MKRN2: variants seen among roughly 807,000 people sequenced by gnomAD.
The protein encoded by MKRN2 is makorin ring finger protein 2.
A neutral mutation model predicts 45.4 loss-of-function variants in MKRN2; 32 were observed. The observed-to-expected ratio is 0.70, with a 90% CI of 0.53 to 0.95. The LOEUF (loss-of-function observed/expected upper bound fraction) is 0.95. Ranked by LOEUF, MKRN2 falls within the 40% of genes least tolerant of loss-of-function variation. The pLI is 0.00. For synonymous variants in MKRN2, 206 were observed against 192.4 expected (o/e 1.07, Z -0.59); for missense variants, 526 against 536.7 (o/e 0.98, Z 0.20).
intron 1 of MKRN2, among the ~76,000 whole-genome samples, chr3:12,561,296 G>C (rs2058034842): frequency 6.6e-6 from 1 of 152,180 alleles, no homozygotes; most frequent in Non-Finnish European, 1.5e-5. Flanking sequence ...GTGCAGTTTG[G>C]AAGGCAAGTT....
chr3:12,582,314 G>A lies in MKRN2; in HGVS notation c.*61G>A, dbSNP rs905516600. On this transcript the variant is annotated 3_prime_UTR_variant, in exon 8 of 8. Coordinates refer to ENST00000170447, the MANE Select transcript of MKRN2 (RefSeq NM_014160.5). ...GGCCGAAACTTTCCCAAGCCAGGGT[G>A]TGCGGAGCTTCCCTGTACTGCAGCC... The A allele has an allele frequency of 6.2e-6, 10 of 1,603,412 alleles. No homozygotes were observed. The African/African-American group carries it at 6.7e-5, about 11-fold the overall frequency.
At chr3:12,567,651 A>T (rs2058077299) in intron 1 of MKRN2, among the ~76,000 whole-genome samples, 1 of 151,594 alleles carries the variant, frequency 6.6e-6, no homozygotes, top group South Asian at 2.1e-4. Context: ...TCCACTCCTG[A>T]CTAATTTTGT....
chr3:12,581,791 T>C lies in MKRN2; in HGVS notation c.969-17T>C. 6.2e-7 allele frequency: 1 copy of C among 1,613,302 alleles called. No homozygotes were observed. The highest frequency in any genetic ancestry group is 1.1e-5 in the South Asian group (1 of 91,064). On this transcript the variant is annotated splice_polypyrimidine_tract_variant and intron_variant, in intron 6 of 7. Coordinates refer to ENST00000170447, the MANE Select transcript of MKRN2 (RefSeq NM_014160.5). ...ATTTTCCCACCAGCCTCTTGACTTT[T>C]TCTTTCTGCTTTTCAGGAAAAAAGC...
Position 12,582,394 on chromosome 3 carries a change from C to G in MKRN2, c.*141C>G. On this transcript the variant is annotated 3_prime_UTR_variant, in exon 8 of 8. Transcript: ENST00000170447. The stretch of plus-strand genomic sequence containing the variant: ...AGTTGGGCTTAGCCTTAGTCTCATT[C>G]AATCTCCATTATTACAGCCATGGGG... 1 of 1,003,094 alleles carries G rather than the reference C, an allele frequency of 1.0e-6. No homozygotes were observed. The highest frequency in any genetic ancestry group is 1.5e-6 in the Non-Finnish European group (1 of 674,642). The allele number at this position is 1,003,094 out of a possible 1,614,324, so 62.1% of individuals were successfully genotyped here. A position where few individuals can be genotyped will look rare whatever the true frequency, so the allele number is the denominator to read the frequency against.
chr3:12,569,921 ATAATCCTGTTAGAGTT>A (rs1451071529), intron 2 of MKRN2, 134 bp from the exon 3 acceptor site: 1 of 681,774 alleles, frequency 1.5e-6, no homozygotes, highest in African/African-American at 1.8e-5. Context: ...TTAATAATCG[ATAATCCTGTTAGAGTT>A]TAAATATTGG....
At chr3:12,581,977 T>A (rs1258039026) in intron 7 of MKRN2, 25 bp downstream of exon 7, 4 of 1,611,622 alleles carry the variant, frequency 2.5e-6, no homozygotes, top group Non-Finnish European at 2.5e-6. Context: ...CATCTCTAGT[T>A]GGGGACACTT....
intron 2 of MKRN2, among the ~76,000 whole-genome samples, chr3:12,569,704 C>G (rs552360666): frequency 6.6e-6 from 1 of 152,008 alleles, no homozygotes; most frequent in Non-Finnish European, 1.5e-5. Context: ...AGATCATTGG[C>G]CCTTGTCAGC....
rs35726193 is a variant in MKRN2 at position 12,567,481 on chromosome 3, C to CTTTT, written c.27-1374_27-1371dup. ...CCCTTTGTTGCCCTGGCTAGTTTAT[C>CTTTT]TTTTTTTTTTTTTTTTTTTTTTTGA... On this transcript the variant is annotated intron_variant, in intron 1 of 7. Transcript: ENST00000170447. Among the ~76,000 whole-genome samples the CTTTT allele has an allele frequency of 1.8e-4, 14 of 76,962 alleles. 1 individual carries two copies. Among genetic ancestry groups the CTTTT allele is most frequent in the Admixed American group, 4.9e-4 (3 of 6,098 alleles). The allele number at this position is 76,962 out of a possible 152,430, so 50.5% of individuals were successfully genotyped here. A position where few individuals can be genotyped will look rare whatever the true frequency, so the allele number is the denominator to read the frequency against.
At chr3:12,579,576 C>T (rs73130305) in intron 6 of MKRN2, among the ~76,000 whole-genome samples, 34,414 of 152,122 alleles carry the variant, frequency 0.23, 4,205 homozygotes, top group African/African-American at 0.3. Flanking sequence ...GCACTTGGAT[C>T]CACCGGGGGC....
intron 1 of MKRN2, among the ~76,000 whole-genome samples, chr3:12,562,871 G>A (rs1285221572): frequency 6.6e-6 from 1 of 151,960 alleles, no homozygotes. Context: ...AACAAGCTCA[G>A]TGTTCCACTG....
Position 12,582,232 on chromosome 3 carries a change from A to G in MKRN2, c.1230A>G (p.Gly410=). 1.2e-6 allele frequency: 2 copies of G among 1,613,996 alleles called. No homozygotes were observed. The highest frequency in any genetic ancestry group is 1.7e-6 in the Non-Finnish European group (2 of 1,180,008). ...GGGACCTCTTCATGCACCTTTCTGG[A>G]GTGGAATCATCAGAACCCTAAAGAG... The part of the protein sequence containing the change: ...ELGDLFMHLS[G]VESSEP Residue 410 remains glycine, a synonymous_variant, in exon 8 of 8, where the codon GGA becomes GGG. Transcript: ENST00000170447.
rs188757449 is a variant in MKRN2 at position 12,580,754 on chromosome 3, C to T, written c.969-1054C>T. Among the ~76,000 whole-genome samples, 312 of 152,326 alleles carry T rather than the reference C, an allele frequency of 2.0e-3. 4 individuals are homozygous for T. The highest frequency in any genetic ancestry group is 9.8e-4 in the Admixed American group (15 of 15,300). On this transcript the variant is annotated intron_variant, in intron 6 of 7. Transcript: ENST00000170447. ...AATTACAGGTGTGAGCCACCACACC[C>T]GGCCAGAGGGCTTTTCTTTATGCTG...
At chr3:12,569,043 T>G in intron 2 of MKRN2, 40 bp downstream of exon 2, 1 of 1,587,952 alleles carries the variant, frequency 6.3e-7, no homozygotes, top group African/African-American at 1.3e-5. Flanking sequence ...GACACTGATT[T>G]CATTTGGAGA....
At chr3:12,572,869 G>A (rs1440899399) in intron 4 of MKRN2, among the ~76,000 whole-genome samples, 1 of 152,208 alleles carries the variant, frequency 6.6e-6, no homozygotes, top group African/African-American at 2.4e-5. Flanking sequence ...ACAGGCATGA[G>A]CCACCATGCC....
Position 12,569,013 on chromosome 3 carries a change from C to G in MKRN2, c.155+10C>G, listed in dbSNP as rs1172859048. Reference sequence around the variant, plus strand: ...ATGGAACTCGGTGCAGGCAAGGACTCTGCAACAGATTCCAGCTGTGACACT... The same window carrying G: ...ATGGAACTCGGTGCAGGCAAGGACTGTGCAACAGATTCCAGCTGTGACACT... On this transcript the variant is annotated intron_variant, in intron 2 of 7. Coordinates refer to ENST00000170447, the MANE Select transcript of MKRN2 (RefSeq NM_014160.5). The G allele has an allele frequency of 6.2e-7, 1 of 1,607,476 alleles. No individual in the cohort carries two copies. Among genetic ancestry groups the G allele is most frequent in the Admixed American group, 1.7e-5 (1 of 58,202 alleles).
intron 7 of MKRN2, 72 bp from the exon 8 acceptor site, chr3:12,582,044 G>T: frequency 6.2e-7 from 1 of 1,609,680 alleles, no homozygotes. Flanking sequence ...GTAGGCAAAA[G>T]AACGATCAAG....
chr3:12,572,196 T>C lies in MKRN2; in HGVS notation c.465T>C (p.Leu155=). ...ACCTGGATGCCATCAGGAGTGGCCTTGATGACGTGGAGGCCAGCAGCTCCT... is the reference window on the plus strand; with the variant it reads ...ACCTGGATGCCATCAGGAGTGGCCTCGATGACGTGGAGGCCAGCAGCTCCT... ...HSYLDAIRSG[L]DDVEASSSYS... Residue 155 remains leucine (L), a synonymous_variant, in exon 4 of 8, where the codon CTT becomes CTC. Coordinates refer to ENST00000170447, the MANE Select transcript of MKRN2 (RefSeq NM_014160.5). The C allele has an allele frequency of 1.9e-6, 3 of 1,613,928 alleles. No individual in the cohort carries two copies. The highest frequency in any genetic ancestry group is 2.5e-6 in the Non-Finnish European group (3 of 1,179,972).
chr3:12,566,892 C>A (rs2058071658), intron 1 of MKRN2, among the ~76,000 whole-genome samples: 1 of 152,230 alleles, frequency 6.6e-6, no homozygotes, highest in Non-Finnish European at 1.5e-5. Context: ...CGTGAGCCAC[C>A]ACACCTAGTA....
At chr3:12,573,882 G>A (rs1440136939) in intron 4 of MKRN2, among the ~76,000 whole-genome samples, 1 of 150,848 alleles carries the variant, frequency 6.6e-6, no homozygotes, top group Non-Finnish European at 1.5e-5. Flanking sequence ...GACAGAGAGA[G>A]ACTCTGTCTC....
Sources: allele counts gnomAD v4.1 joint callset (sites outside exome capture counted in the v4.1 genomes callset), GRCh38; gene constraint gnomAD v4.1.1; transcripts MANE v1.5; gene names NCBI Gene and HGNC (gene_info 2026-07-23, HGNC 2026-07-21).